Variants in GRM8 observed in about 807,000 individuals in gnomAD.
The protein encoded by GRM8 is glutamate metabotropic receptor 8.
In GRM8, 47 loss-of-function variants were observed where a neutral mutation model predicts 87.2. The observed-to-expected ratio is 0.54, with a 90% confidence interval of 0.43 to 0.69. GRM8 has a LOEUF of 0.69. GRM8 is among the 30% of genes least tolerant of loss of function. GRM8 has a pLI of 0.00. For synonymous variants in GRM8, 396 were observed against 404.5 expected, an observed-to-expected ratio of 0.98 and a Z score of 0.25; for missense variants, 1,019 against 1,139.2, an observed-to-expected ratio of 0.89 and a Z score of 1.52.
At chr7:126,439,833 T>TGTGTGTGC (rs1554431281) in intron 10 of GRM8, among the ~76,000 whole-genome samples, 1 of 150,994 alleles carries the variant, frequency 6.6e-6, no homozygotes, top group African/African-American at 2.4e-5. Flanking sequence ...CTAGTGTGTG[T>TGTGTGTGC]GTGTGTGTGT....
chr7:126,983,801 T>A (rs1427287828), intron 3 of GRM8, among the ~76,000 whole-genome samples: 2 of 152,038 alleles, frequency 1.3e-5, no homozygotes, highest in African/African-American at 4.8e-5. Context: ...GGAATAAAGG[T>A]TTGGGTCACT....
At chr7:127,197,374 A>G (rs1795340752) in intron 2 of GRM8, among the ~76,000 whole-genome samples, 1 of 152,246 alleles carries the variant, frequency 6.6e-6, no homozygotes, top group Non-Finnish European at 1.5e-5. Flanking sequence ...CCAACATTTT[A>G]GTTTGTACTT....
intron 6 of GRM8, among the ~76,000 whole-genome samples, chr7:126,792,183 G>A (rs1821419727): frequency 6.6e-6 from 1 of 152,154 alleles, no homozygotes; most frequent in Admixed American, 6.5e-5. Context: ...CCAGTCCTGG[G>A]TGGCCTCTCC....
At chr7:126,445,979 A>C in intron 10 of GRM8, 147 bp downstream of exon 10, 1 of 916,550 alleles carries the variant, frequency 1.1e-6, no homozygotes, top group Non-Finnish European at 1.7e-6. Flanking sequence ...GAATGGTTTT[A>C]AATGTGATGG....
chr7:126,534,764 T>C (rs1815420911), intron 8 of GRM8, among the ~76,000 whole-genome samples: 1 of 152,230 alleles, frequency 6.6e-6, no homozygotes, highest in Non-Finnish European at 1.5e-5. Flanking sequence ...ACAGTAATTT[T>C]AGCAGAATGC....
chr7:126,666,361 G>A (rs927404324), intron 7 of GRM8, among the ~76,000 whole-genome samples: 4 of 152,108 alleles, frequency 2.6e-5, no homozygotes, highest in Admixed American at 1.3e-4. Flanking sequence ...CTAGGAAAAT[G>A]TGCCAAGCCT....
chr7:126,616,082 G>A (rs554097832), intron 7 of GRM8, among the ~76,000 whole-genome samples: 3,129 of 152,246 alleles, frequency 0.021, 122 homozygotes, highest in African/African-American at 0.072. Context: ...ATTCTTCTCA[G>A]CACCACATCA....
At chr7:126,910,293 T>G (rs1391768757) in intron 3 of GRM8, among the ~76,000 whole-genome samples, 1 of 152,194 alleles carries the variant, frequency 6.6e-6, no homozygotes, top group Non-Finnish European at 1.5e-5. Context: ...TTGTTACTTC[T>G]TTTTCTTTTT....
At chr7:126,679,723 G>T (rs1353509613) in intron 7 of GRM8, among the ~76,000 whole-genome samples, 1 of 152,108 alleles carries the variant, frequency 6.6e-6, no homozygotes, top group Non-Finnish European at 1.5e-5. Context: ...TTCTCAGAGG[G>T]TCTCATTAAA....
At chr7:126,581,479 T>C (rs1458424954) in intron 8 of GRM8, among the ~76,000 whole-genome samples, 1 of 152,122 alleles carries the variant, frequency 6.6e-6, no homozygotes, top group Non-Finnish European at 1.5e-5. Context: ...CTCAGGAGTC[T>C]CAGGAAATGA....
chr7:126,924,237 G>T (rs768617361), intron 3 of GRM8, among the ~76,000 whole-genome samples: 6 of 152,162 alleles, frequency 3.9e-5, no homozygotes, highest in Non-Finnish European at 8.8e-5. Flanking sequence ...GGATGCAAGT[G>T]ATGAAAGAAA....
intron 6 of GRM8, among the ~76,000 whole-genome samples, chr7:126,857,599 C>T (rs1181236815): frequency 1.3e-5 from 2 of 152,200 alleles, no homozygotes; most frequent in African/African-American, 4.8e-5. Flanking sequence ...TGGAGCAACA[C>T]GTGTCAGGTG....
At chr7:126,638,229 ACTT>A (rs1490738103) in intron 7 of GRM8, among the ~76,000 whole-genome samples, 13 of 152,058 alleles carry the variant, frequency 8.5e-5, no homozygotes, top group Non-Finnish European at 1.9e-4. Flanking sequence ...TTTTAATAAC[ACTT>A]CTTCTTTCCC....
At chr7:126,905,745 G>A (rs888620327) in intron 3 of GRM8, among the ~76,000 whole-genome samples, 3 of 152,102 alleles carry the variant, frequency 2.0e-5, no homozygotes, top group Non-Finnish European at 4.4e-5. Flanking sequence ...AGTTACCATG[G>A]AATAGATAAT....
intron 3 of GRM8, among the ~76,000 whole-genome samples, chr7:126,965,397 TA>T (rs138449717): frequency 0.018 from 2,752 of 152,298 alleles, 30 homozygotes; most frequent in Non-Finnish European, 0.029. Flanking sequence ...ATTAAGCAAT[TA>T]TTTTGTTAAA....
At chr7:127,072,634 C>CTTTTT (rs34143758) in intron 3 of GRM8, among the ~76,000 whole-genome samples, 17 of 144,196 alleles carry the variant, frequency 1.2e-4, no homozygotes, top group African/African-American at 4.0e-4. Flanking sequence ...TCATATTATA[C>CTTTTT]TTTTTTTTTT....
intron 3 of GRM8, among the ~76,000 whole-genome samples, chr7:126,927,284 T>C (rs1297427927): frequency 6.6e-6 from 1 of 152,136 alleles, no homozygotes; most frequent in Non-Finnish European, 1.5e-5. Context: ...TACAGCCATA[T>C]GCCATCACAC....
chr7:126,474,864 T>C (rs1805716418), intron 9 of GRM8, among the ~76,000 whole-genome samples: 2 of 152,150 alleles, frequency 1.3e-5, no homozygotes, highest in South Asian at 2.1e-4. Context: ...ACCACACTTA[T>C]AGAACAAAGG....
chr7:126,616,020 C>T (rs980285646), intron 7 of GRM8, among the ~76,000 whole-genome samples: 5 of 152,096 alleles, frequency 3.3e-5, no homozygotes, highest in South Asian at 2.1e-4. Flanking sequence ...CTGCACAAAG[C>T]AGACCTAATA....
Sources: allele counts gnomAD v4.1 joint callset (sites outside exome capture counted in the v4.1 genomes callset), GRCh38; gene constraint gnomAD v4.1.1; transcripts MANE v1.5; gene names NCBI Gene and HGNC (gene_info 2026-07-23, HGNC 2026-07-21).